Variants in MYH6 observed in about 807,000 individuals in gnomAD.
MYH6 encodes the protein myosin heavy chain 6, also known as myosin-6.
Under a neutral mutation model 223.2 loss-of-function variants are expected in MYH6, and 126 were observed. The observed-to-expected ratio is 0.56, with a 90% confidence interval of 0.49 to 0.65. The LOEUF is 0.65. Among genes scored for constraint, MYH6 ranks in the 30% least tolerant of loss-of-function variants. The pLI, the probability that MYH6 is intolerant of heterozygous loss-of-function variation, is 0.00. For missense variants in MYH6, 2,040 were observed against 2,536.4 expected (o/e 0.80, Z 4.20); for synonymous variants, 978 against 1,010.2 (o/e 0.97, Z 0.61).
rs1891761410 is a variant in MYH6 at position 23,405,602 on chromosome 14, T to C, written c.345+25A>G. 6.2e-7 allele frequency: 1 copy of C among 1,614,124 alleles called. No individual in the cohort carries two copies. Among genetic ancestry groups the C allele is most frequent in the Non-Finnish European group, 8.5e-7 (1 of 1,179,990 alleles). ...AGGCCTCCACGCAGCACAGGAAGCCTCTGCAGTGTGCAGGAGCCACTCACA... is the reference window on the plus strand; with the variant it reads ...AGGCCTCCACGCAGCACAGGAAGCCCCTGCAGTGTGCAGGAGCCACTCACA... On this transcript the variant is annotated intron_variant, in intron 4 of 38. Transcript: ENST00000405093. This position sits in a 1 kb window ranked among gnomAD's most constrained non-coding sequence, Gnocchi z 4.7.
intron 23 of MYH6, 116 bp downstream of exon 23, chr14:23,393,226 A>G (rs1316532622): frequency 6.7e-7 from 1 of 1,488,924 alleles, no homozygotes; most frequent in Non-Finnish European, 9.3e-7. Flanking sequence ...AACTACAGAG[A>G]GCAAAAAAGC....
In MYH6 at chr14:23,387,758, C is replaced by A. The variant is rs200380187; in HGVS notation, c.4525G>T (p.Glu1509Ter). ...CTGGCCTCTTGGACCCCCAGCACAC[C>A]CTGAAGGTTCTTGTTCTCCCGCTTG... ...TFKRENKNLQEEISDLTEQLG... is the reference protein window; with the variant it reads ...TFKRENKNLQ Residue 1509 changes from glutamate (E) to a stop codon, truncating the protein, a stop_gained and splice_region_variant, in exon 31 of 39, where the codon GAG (glutamate) becomes TAG (stop). Coordinates refer to ENST00000405093, the MANE Select transcript of MYH6 (RefSeq NM_002471.4). LOFTEE classifies it high-confidence loss of function. 6.8e-6 allele frequency: 11 copies of A among 1,614,096 alleles called. No homozygotes were observed. In the Admixed American group the frequency reaches 1.5e-4, roughly 22 times the overall value.
intron 25 of MYH6, among the ~76,000 whole-genome samples, chr14:23,391,678 T>G (rs938723793): frequency 3.9e-5 from 6 of 152,194 alleles, no homozygotes; most frequent in Non-Finnish European, 7.4e-5. Context: ...GTAGCCGAGT[T>G]CCTGTTGCCC....
rs761754298 is a variant in MYH6, at chr14:23,389,693, C to A, written c.3759G>T (p.Thr1253=). ...GGTACTCATTGGCCTGGTCCTCCAG[C>A]GTCCGAGACACTTTCTCCAGGTTTG... ...AKANLEKVSR[T]LEDQANEYRV... Residue 1253 remains threonine, a synonymous_variant, in exon 27 of 39, where the codon ACG becomes ACT. Transcript: ENST00000405093. The A allele has an allele frequency of 2.5e-6, 4 of 1,614,032 alleles. No homozygotes were observed. The Admixed American group carries it at 5.0e-5, about 20-fold the overall frequency.
chr14:23,390,361 C>A lies in MYH6; in HGVS notation c.3428G>T (p.Arg1143Leu), dbSNP rs543585784. Residue 1143 changes from arginine to leucine, a missense_variant, in exon 26 of 39, where the codon CGG becomes CTG. Around this residue, in one of 4 missense-constraint regions of MYH6, gnomAD observed 1,203 missense variants for 1,400.2 expected, o/e 0.86. Coordinates refer to ENST00000405093, the MANE Select transcript of MYH6 (RefSeq NM_002471.4). ...KVEKLRSDLSRELEEISERLE... is the reference protein window; with the variant it reads ...KVEKLRSDLSLELEEISERLE... ...CCGCTCGCTGATCTCCTCCAGCTCCCGAGACAGGTCTGAGCGCAGCTTCTC... is the reference window on the plus strand; with the variant it reads ...CCGCTCGCTGATCTCCTCCAGCTCCAGAGACAGGTCTGAGCGCAGCTTCTC... The A allele has an allele frequency of 6.2e-6, 10 of 1,608,354 alleles. No homozygotes were observed. In the South Asian group the frequency reaches 9.9e-5, roughly 16 times the overall value.
rs28730765 is a variant in MYH6, at chr14:23,386,302, C to T, written c.4959+13G>A. On this transcript the variant is annotated intron_variant, in intron 33 of 38. Transcript: ENST00000405093. ...AGGCCAGTCCCCTGAGGGGACCTCC[C>T]GCCCCCATGTACCTTCAGCAAGCTC... 0.011 allele frequency: 17,476 copies of T among 1,614,092 alleles called. 115 individuals are homozygous for T. Among genetic ancestry groups the T allele is most frequent in the Non-Finnish European group, 0.012 (14,712 of 1,180,016 alleles).
chr14:23,405,875 C>T lies in MYH6; in HGVS notation c.202-105G>A. The T allele has an allele frequency of 1.4e-6, 2 of 1,452,022 alleles. No homozygotes were observed. The highest frequency in any genetic ancestry group is 1.9e-6 in the Non-Finnish European group (2 of 1,037,712). The allele number at this position is 1,452,022 out of a possible 1,614,324, so 89.9% of individuals were successfully genotyped here. On this transcript the variant is annotated intron_variant, in intron 3 of 38. Coordinates refer to ENST00000405093, the MANE Select transcript of MYH6 (RefSeq NM_002471.4). This position sits in a 1 kb window ranked among gnomAD's most constrained non-coding sequence, Gnocchi z 4.7. ...CCCAGGACACAGGGACTTGGCCTTG[C>T]TCCCCTTGCTCTGACCAGTGCCCCG...
chr14:23,389,088 G>A, intron 28 of MYH6, 33 bp from the exon 29 acceptor site: 1 of 1,574,222 alleles, frequency 6.4e-7, no homozygotes, highest in Middle Eastern at 1.8e-4. Context: ...GGAGGTGGGA[G>A]GGACTCCCTG....
intron 32 of MYH6, 78 bp from the exon 33 acceptor site, chr14:23,386,701 T>A (rs1296450795): frequency 6.7e-7 from 1 of 1,503,532 alleles, no homozygotes; most frequent in Non-Finnish European, 9.0e-7. Flanking sequence ...ATACACGGTG[T>A]CAGCCAGGAC....
intron 23 of MYH6, 103 bp from the exon 24 acceptor site, chr14:23,393,160 A>C: frequency 6.5e-7 from 1 of 1,532,424 alleles, no homozygotes; most frequent in East Asian, 2.3e-5. Context: ...ATTGGAAGTC[A>C]AACCAACAGA....
rs150450178 is a variant in MYH6 at position 23,385,979 on chromosome 14, C to T, written c.5112G>A (p.Ala1704=). 801 of 1,614,204 alleles carry T rather than the reference C, an allele frequency of 5.0e-4. 1 individual carries two copies. The highest frequency in any genetic ancestry group is 6.4e-4 in the Non-Finnish European group (757 of 1,180,040). ...VEQTERSRKL[A]EQELIETSER... ...CGCTGGTCTCAATCAGCTCCTGCTC[C>T]GCCAGCTTCCGGGACCGCTCTGTCT... The change falls in exon 34 of 39, where the codon GCG becomes GCA. Residue 1704 remains alanine, a synonymous_variant. Coordinates refer to ENST00000405093, the MANE Select transcript of MYH6 (RefSeq NM_002471.4).
intron 35 of MYH6, 50 bp downstream of exon 35, chr14:23,384,866 A>C (rs949053459): frequency 1.1e-5 from 18 of 1,613,050 alleles, no homozygotes; most frequent in Non-Finnish European, 1.5e-5. Context: ...GCCTGGACCC[A>C]AGGCCTTGTT....
Position 23,404,839 on chromosome 14 carries a change from C to G in MYH6, c.531-17G>C. 6.2e-7 allele frequency: 1 copy of G among 1,607,244 alleles called. No homozygotes were observed. The stretch of plus-strand genomic sequence containing the variant: ...GATTCTCCCCTGGGGGCCACAGAGA[C>G]CAATCAAAACTCAGGATTCCTACTG... On this transcript the variant is annotated splice_polypyrimidine_tract_variant and intron_variant, in intron 6 of 38. Transcript: ENST00000405093.
Position 23,400,535 on chromosome 14 carries a change from T to G in MYH6, c.1411-109A>C. The G allele has an allele frequency of 1.2e-5, 19 of 1,592,406 alleles. No individual in the cohort carries two copies. In the South Asian group the frequency reaches 2.0e-4, roughly 17 times the overall value. On this transcript the variant is annotated intron_variant, in intron 13 of 38. Transcript: ENST00000405093. ...CAGCAGGGTATGGCTGTCCCCTCCA[T>G]GTCAGGGCAGTGGAGGAGGGCTTCC... is the stretch of plus-strand genomic sequence containing the variant.
Position 23,396,975 on chromosome 14 carries a change from T to G in MYH6, c.2156A>C (p.Asp719Ala). The change falls in exon 18 of 39, where the codon GAC becomes GCC. Residue 719 changes from aspartate (D) to alanine (A), a missense_variant. Coordinates refer to ENST00000405093, the MANE Select transcript of MYH6 (RefSeq NM_002471.4). The part of the protein sequence containing the change: ...KGFPNRILYG[D>A]FRQRYRILNP... ...CCCTCATACCCACCTCTGCCGGAAG[T>G]CCCCGTAGAGGATGCGGTTGGGGAA... The G allele has an allele frequency of 6.2e-7, 1 of 1,612,878 alleles. No homozygotes were observed. The highest frequency in any genetic ancestry group is 8.5e-7 in the Non-Finnish European group (1 of 1,180,006).
chr14:23,394,308 T>C lies in MYH6; in HGVS notation c.2445A>G (p.Val815=). 6.2e-7 allele frequency: 1 copy of C among 1,614,182 alleles called. No homozygotes were observed. The highest frequency in any genetic ancestry group is 2.2e-5 in the East Asian group (1 of 44,882). ...TGAAGGCCCGAATGTTCCACTGGAT[T>C]ACCAGCAGGGCATCCCTGGCAAGGA... The part of the protein sequence containing the change: ...KIVERRDALL[V]IQWNIRAFMG... The change falls in exon 21 of 39, where the codon GTA becomes GTG. Residue 815 remains valine, a synonymous_variant. Transcript: ENST00000405093.
intron 11 of MYH6, 47 bp downstream of exon 11, chr14:23,402,650 G>C (rs1191344648): frequency 6.2e-7 from 1 of 1,613,572 alleles, no homozygotes; most frequent in African/African-American, 1.3e-5. Flanking sequence ...GGTGGCCCCA[G>C]GAGCTCCTGG....
intron 35 of MYH6, 84 bp downstream of exon 35, chr14:23,384,832 T>C (rs1890971347): frequency 3.1e-6 from 5 of 1,613,240 alleles, no homozygotes; most frequent in African/African-American, 2.7e-5. Flanking sequence ...CAGAGTTGGC[T>C]TGGTGTTACA....
rs1425150297 is a variant in MYH6, at chr14:23,398,934, T to C, written c.1685A>G (p.Asn562Ser). Residue 562 changes from asparagine to serine, a missense_variant, in exon 15 of 39, where the codon AAC becomes AGC. Physicochemically the swap from Asn to Ser is conservative, Grantham distance 46. Around this residue, in one of 4 missense-constraint regions of MYH6, gnomAD observed 649 missense variants for 877.3 expected, o/e 0.74. Transcript: ENST00000405093. ...KLYDNHLGKS[N>S]NFQKPRNIKG... ...GATGTTGCGTGGCTTCTGGAAATTG[T>C]TGGACTTGCCCAGGTGGTTGTCGTA... 2 of 1,614,018 alleles carry C rather than the reference T, an allele frequency of 1.2e-6. No homozygotes were observed. Among genetic ancestry groups the C allele is most frequent in the African/African-American group, 1.3e-5 (1 of 74,892 alleles).
Sources: gnomAD v4.1 joint callset for allele counts (sites outside exome capture counted in the v4.1 genomes callset) on GRCh38, gnomAD v4.1.1 for gene constraint, gnomAD v4.1.1 regional missense constraint, Gnocchi (gnomAD v3.1) non-coding constraint, MANE v1.5 for transcripts, NCBI Gene and HGNC (gene_info 2026-07-23, HGNC 2026-07-21) for gene names.